Variants in TARBP1 observed in about 807,000 individuals in gnomAD.
TARBP1 encodes the protein tRNA (guanosine(18)-2'-O)-methyltransferase TARBP1.
TARBP1 carries 144 observed loss-of-function variants against 178.6 expected under a neutral mutation model. That is an observed-to-expected ratio of 0.81 (90% confidence interval 0.70 to 0.93). TARBP1 has a LOEUF of 0.93. Among genes scored for constraint, TARBP1 ranks in the 40% least tolerant of loss-of-function variants. The pLI, the probability that TARBP1 is intolerant of heterozygous loss-of-function variation, is 0.00. For missense variants in TARBP1, 2,067 were observed against 2,011.7 expected (o/e 1.03, Z -0.53); for synonymous variants, 787 against 781.0 (o/e 1.01, Z -0.13).
chr1:234,458,020 A>C (rs568788822), intron 8 of TARBP1, among the ~76,000 whole-genome samples: 4 of 150,392 alleles, frequency 2.7e-5, no homozygotes, highest in African/African-American at 9.7e-5. Flanking sequence ...AAAAAAAAAA[A>C]CACCATTCTA....
chr1:234,414,766 C>T (rs1235099673), intron 22 of TARBP1, among the ~76,000 whole-genome samples: 1 of 152,164 alleles, frequency 6.6e-6, no homozygotes, highest in East Asian at 1.9e-4. Context: ...GGGCAGATCA[C>T]CTGAGGTCAG....
chr1:234,399,786 C>T (rs557288534), intron 25 of TARBP1, among the ~76,000 whole-genome samples: 49 of 149,768 alleles, frequency 3.3e-4, no homozygotes, highest in Non-Finnish European at 5.8e-4. Context: ...ATCGCAAGAA[C>T]GAAAAACCAA....
At chr1:234,407,341 CT>C (rs543930869) in intron 23 of TARBP1, 280 of 136,912 alleles carry the variant, frequency 2.0e-3, no homozygotes, top group East Asian at 9.9e-3. Context: ...CTTGTCCATC[CT>C]TTTTTTTTTT....
At chr1:234,421,281 G>C (rs973518848) in intron 20 of TARBP1, among the ~76,000 whole-genome samples, 8 of 152,030 alleles carry the variant, frequency 5.3e-5, no homozygotes, top group African/African-American at 1.9e-4. Flanking sequence ...TAGAGATGGG[G>C]TTTCACCATG....
rs200972236 is a variant in TARBP1, at chr1:234,429,296, A to C, written c.2900T>G (p.Ile967Arg). The C allele has an allele frequency of 3.2e-6, 5 of 1,584,496 alleles. No individual in the cohort carries two copies. The East Asian group carries it at 6.7e-5, about 21-fold the overall frequency. The change falls in exon 17 of 30, where the codon ATA becomes AGA. Residue 967 changes from isoleucine to arginine, a missense_variant. Coordinates refer to ENST00000040877, the MANE Select transcript of TARBP1 (RefSeq NM_005646.4). ...TTTCCACGCCATGTCAAAAGACTCT[A>C]TGCAGAGTGATTCAGAGGAAGTCAG... ...KLLTSSESLC[I>R]ESFDMAWKII...
Position 234,463,851 on chromosome 1 carries a change from G to C in TARBP1, c.1385C>G (p.Pro462Arg), listed in dbSNP as rs1668161313. 6.4e-7 allele frequency: 1 copy of C among 1,569,718 alleles called. No homozygotes were observed. Among genetic ancestry groups the C allele is most frequent in the Non-Finnish European group, 8.6e-7 (1 of 1,156,828 alleles). The change falls in exon 6 of 30, where the codon CCA becomes CGA. Residue 462 changes from proline to arginine, a missense_variant. By Grantham distance (103) the Pro-to-Arg change is moderately radical. Transcript: ENST00000040877. ...KFLVTYISLLPEEIKSSFLLK... is the reference protein window; with the variant it reads ...KFLVTYISLLREEIKSSFLLK... Reference sequence around the variant, plus strand: ...CTGACACATACTCTTTATTTCTTCTGGAAGAAGAGAAATATAAGTGACTAA... The same window carrying C: ...CTGACACATACTCTTTATTTCTTCTCGAAGAAGAGAAATATAAGTGACTAA...
Position 234,465,661 on chromosome 1 carries a change from A to C in TARBP1, c.1296T>G (p.Tyr432Ter). Residue 432 changes from tyrosine to a stop codon, truncating the protein, a stop_gained, in exon 5 of 30, where the codon TAT becomes TAG. Transcript: ENST00000040877. LOFTEE classifies it high-confidence loss of function. ...ATAACATAATGTCTCTTTACCTGCT[A>C]TACAGAGAGCTCTCTGAAAGCGCAT... ...LMDALSESSL[Y>*]SRSPGQPIGS... 2 of 1,579,568 alleles carry C rather than the reference A, an allele frequency of 1.3e-6. No homozygotes were observed. The highest frequency in any genetic ancestry group is 1.7e-6 in the Non-Finnish European group (2 of 1,168,914).
At chr1:234,445,469 G>C (rs66644026) in intron 12 of TARBP1, among the ~76,000 whole-genome samples, 1 of 151,912 alleles carries the variant, frequency 6.6e-6, no homozygotes, top group Non-Finnish European at 1.5e-5. Context: ...AATAATAATA[G>C]GAGAGGGAGG....
chr1:234,479,136 C>T lies in TARBP1; in HGVS notation c.-33G>A. The T allele has an allele frequency of 6.7e-7, 1 of 1,498,756 alleles. No individual in the cohort carries two copies. Among genetic ancestry groups the T allele is most frequent in the Admixed American group, 2.3e-5 (1 of 43,236 alleles). 92.8% of individuals were successfully genotyped at this position (1,498,756 alleles called of 1,614,324 possible). A position where few individuals can be genotyped will look rare whatever the true frequency, so the allele number is the denominator to read the frequency against. The stretch of plus-strand genomic sequence containing the variant: ...GCGCCCGCGCCACCGGCCCGGGCTC[C>T]CAAAGGAAGGCGCCGGCGTGTGCGA... On this transcript the variant is annotated 5_prime_UTR_variant, in exon 1 of 30. Coordinates refer to ENST00000040877, the MANE Select transcript of TARBP1 (RefSeq NM_005646.4).
chr1:234,429,370 G>A lies in TARBP1; in HGVS notation c.2871+46C>T, dbSNP rs561232254. The stretch of plus-strand genomic sequence containing the variant: ...ACATACTTATTTCAAAAACTTGATC[G>A]CCACTCCTATAGTTACTGTTCAATT... On this transcript the variant is annotated intron_variant, in intron 16 of 29. Coordinates refer to ENST00000040877, the MANE Select transcript of TARBP1 (RefSeq NM_005646.4). The A allele has an allele frequency of 2.7e-5, 43 of 1,564,200 alleles. No individual in the cohort carries two copies. The South Asian group carries it at 3.6e-4, about 13-fold the overall frequency.
chr1:234,394,222 AGATTGG>A (rs1659692096), intron 26 of TARBP1, among the ~76,000 whole-genome samples: 1 of 152,230 alleles, frequency 6.6e-6, no homozygotes, highest in South Asian at 2.1e-4. Flanking sequence ...GCAGTATATT[AGATTGG>A]GATTTTCTAT....
intron 12 of TARBP1, among the ~76,000 whole-genome samples, chr1:234,445,239 A>G (rs1048132681): frequency 2.6e-5 from 4 of 152,078 alleles, no homozygotes; most frequent in African/African-American, 9.7e-5. Flanking sequence ...AAATTCCCCT[A>G]GGTACCCTCT....
intron 26 of TARBP1, 155 bp downstream of exon 26, chr1:234,398,227 A>G: frequency 1.9e-6 from 1 of 521,572 alleles, no homozygotes; most frequent in Non-Finnish European, 3.1e-6. Flanking sequence ...AAGTTATACC[A>G]CACTTTTTCA....
chr1:234,434,213 C>T (rs1365852001), intron 13 of TARBP1, among the ~76,000 whole-genome samples: 1 of 152,124 alleles, frequency 6.6e-6, no homozygotes, highest in Admixed American at 6.6e-5. Context: ...CAGTCACTGC[C>T]TAACCTTGTC....
At chr1:234,474,288 A>ACAC (rs1558264943) in intron 1 of TARBP1, among the ~76,000 whole-genome samples, 1 of 142,996 alleles carries the variant, frequency 7.0e-6, no homozygotes, top group East Asian at 2.0e-4. Flanking sequence ...ACACACACAC[A>ACAC]AAGGGGACAT....
chr1:234,459,303 A>C lies in TARBP1; in HGVS notation c.1559T>G (p.Ile520Ser), dbSNP rs1667605112. 8.7e-6 allele frequency: 14 copies of C among 1,612,882 alleles called. No homozygotes were observed. The highest frequency in any genetic ancestry group is 1.2e-5 in the Non-Finnish European group (14 of 1,179,500). ...ALRDVIHCTM[I>S]THQILLRGAA... ...CCCTCTCAGGAGAATCTGATGTGTG[A>C]TCATAGTGCAATGAATAACATCCCT... Residue 520 changes from isoleucine (I) to serine (S), a missense_variant, in exon 8 of 30, where the codon ATC becomes AGC. Physicochemically the swap from Ile to Ser is moderately radical, Grantham distance 142. Transcript: ENST00000040877.
chr1:234,455,793 T>C (rs1285270743), intron 9 of TARBP1, among the ~76,000 whole-genome samples: 1 of 151,802 alleles, frequency 6.6e-6, no homozygotes, highest in Non-Finnish European at 1.5e-5. Flanking sequence ...GCAGTAGGTA[T>C]AACAACTTGT....
chr1:234,475,838 C>CCA (rs1558266812), intron 1 of TARBP1, among the ~76,000 whole-genome samples: 2 of 152,232 alleles, frequency 1.3e-5, no homozygotes, highest in Non-Finnish European at 2.9e-5. Flanking sequence ...TTTCGAGACT[C>CCA]CAGGCTTCAG....
intron 7 of TARBP1, among the ~76,000 whole-genome samples, chr1:234,459,818 A>T (rs1350016266): frequency 1.3e-5 from 2 of 152,152 alleles, no homozygotes. Flanking sequence ...GCTCAAAAAA[A>T]AAAAACTATA....
Sources: allele counts gnomAD v4.1 joint callset (sites outside exome capture counted in the v4.1 genomes callset), GRCh38; gene constraint gnomAD v4.1.1; transcripts MANE v1.5; gene names NCBI Gene and HGNC (gene_info 2026-07-23, HGNC 2026-07-21).